TRRAP: variants seen among roughly 807,000 people sequenced by gnomAD.
TRRAP encodes the protein transformation/transcription domain-associated protein.
A neutral mutation model predicts 438.8 loss-of-function variants in TRRAP; 41 were observed. That is an observed-to-expected ratio of 0.09 (90% CI 0.07 to 0.12). The LOEUF (loss-of-function observed/expected upper bound fraction) is 0.12. Ranked by LOEUF, TRRAP falls within the 10% of genes least tolerant of loss-of-function variation. The probability of loss-of-function intolerance (pLI) is 1.00; values close to 1 mark genes in which losing one functional copy is unlikely to be tolerated. For synonymous variants in TRRAP, 1,994 were observed against 1,962.9 expected (o/e 1.02, Z -0.42); for missense variants, 3,122 against 5,055.1 (o/e 0.62, Z 11.60).
chr7:99,002,935 G>A (rs1252160749), intron 67 of TRRAP, among the ~76,000 whole-genome samples: 1 of 152,232 alleles, frequency 6.6e-6, no homozygotes, highest in African/African-American at 2.4e-5. Flanking sequence ...TTCGGGGCAG[G>A]TGTTAAATTA....
chr7:98,950,031 A>G, intron 37 of TRRAP, 33 bp from the exon 38 acceptor site: 3 of 1,612,808 alleles, frequency 1.9e-6, no homozygotes, highest in Non-Finnish European at 2.5e-6. Context: ...AATTTGCTCT[A>G]AGTTAACCTG....
At chr7:98,929,127 A>G (rs1268183429) in intron 23 of TRRAP, among the ~76,000 whole-genome samples, 1 of 151,992 alleles carries the variant, frequency 6.6e-6, no homozygotes. Flanking sequence ...TTTTTAGTAG[A>G]GACGGGGTTT....
rs111550949 is a variant in TRRAP, at chr7:98,916,920, G to A, written c.2366-503G>A. Among the ~76,000 whole-genome samples, 263 of 152,114 alleles carry A rather than the reference G, an allele frequency of 1.7e-3. 2 individuals are homozygous for A. Among genetic ancestry groups the A allele is most frequent in the African/African-American group, 6.1e-3 (253 of 41,488 alleles). ...GCCGTGCAGGACGTGCCTTTTCTTG[G>A]GTCCACTGCCACACGCCTTTCTCTT... On this transcript the variant is annotated intron_variant, in intron 19 of 72. Coordinates refer to ENST00000456197, the MANE Select transcript of TRRAP (RefSeq NM_001375524.1).
Position 98,994,462 on chromosome 7 carries a change from G to T in TRRAP, c.10048-125G>T, listed in dbSNP as rs1164432742. ...CGCCGATTTCATGCCTGCTGTGTGT[G>T]GGTCCTGCCGGGGAGTGCAGAGATG... On this transcript the variant is annotated intron_variant, in intron 66 of 72. Coordinates refer to ENST00000456197, the MANE Select transcript of TRRAP (RefSeq NM_001375524.1). The surrounding 1 kb of genome is among the most constrained non-coding windows in gnomAD (Gnocchi z 4.8). The T allele has an allele frequency of 4.4e-6, 6 of 1,361,540 alleles. No individual in the cohort carries two copies. Among genetic ancestry groups the T allele is most frequent in the Non-Finnish European group, 4.1e-6 (4 of 987,192 alleles). 84.3% of individuals were successfully genotyped at this position (1,361,540 alleles called of 1,614,324 possible). A position where few individuals can be genotyped will look rare whatever the true frequency, so the allele number is the denominator to read the frequency against.
At chr7:98,968,437 C>T (rs1217636881) in intron 51 of TRRAP, among the ~76,000 whole-genome samples, 1 of 152,154 alleles carries the variant, frequency 6.6e-6, no homozygotes, top group Admixed American at 6.5e-5. Flanking sequence ...TTAACATGCT[C>T]AGTGTTATGA....
Position 98,976,229 on chromosome 7 carries a change from C to G in TRRAP, c.7920C>G (p.Phe2640Leu). ...TLAEKTWVQL[F>L]PRLWKILSDR... ...CAGAGAAGACGTGGGTCCAGCTTTTCCCCAGATTGTGGAAGATCCTCTCTG... is the reference window on the plus strand; with the variant it reads ...CAGAGAAGACGTGGGTCCAGCTTTTGCCCAGATTGTGGAAGATCCTCTCTG... The change falls in exon 54 of 73, where the codon TTC becomes TTG. Residue 2640 changes from phenylalanine to leucine, a missense_variant. Around this residue, in one of 24 missense-constraint regions of TRRAP, gnomAD observed 992 missense variants for 1,281.2 expected, o/e 0.77. Coordinates refer to ENST00000456197, the MANE Select transcript of TRRAP (RefSeq NM_001375524.1). The surrounding 1 kb of genome is among the most constrained non-coding windows in gnomAD (Gnocchi z 4.6). 1 of 1,614,184 alleles carries G rather than the reference C, an allele frequency of 6.2e-7. No individual in the cohort carries two copies. The highest frequency in any genetic ancestry group is 1.1e-5 in the South Asian group (1 of 91,090).
rs1323274082 is a variant in TRRAP, at chr7:98,899,406, C to T, written c.634-16C>T. ...CCACAATGGTAACCCGGGTCCTACC[C>T]ATTTCTGTCTTCCAGCATTCCATCA... On this transcript the variant is annotated splice_polypyrimidine_tract_variant and intron_variant, in intron 8 of 72. Transcript: ENST00000456197. 1.9e-6 allele frequency: 3 copies of T among 1,613,682 alleles called. No homozygotes were observed. Among genetic ancestry groups the T allele is most frequent in the African/African-American group, 1.3e-5 (1 of 75,030 alleles).
intron 60 of TRRAP, among the ~76,000 whole-genome samples, chr7:98,983,855 T>C (rs1309904325): frequency 3.9e-5 from 6 of 152,158 alleles, no homozygotes; most frequent in Non-Finnish European, 8.8e-5. Context: ...TCCACGTGTT[T>C]AGAGCAGCCT....
At chr7:98,999,246 C>G in intron 67 of TRRAP, 1 of 1,179,758 alleles carries the variant, frequency 8.5e-7, no homozygotes, top group Non-Finnish European at 1.3e-6. Flanking sequence ...GCATTCACTG[C>G]CCAGCTTCTC....
At chr7:98,995,891 GTCCCA>G (rs1430090713) in intron 67 of TRRAP, among the ~76,000 whole-genome samples, 6 of 130,344 alleles carry the variant, frequency 4.6e-5, no homozygotes, top group African/African-American at 1.7e-4. Flanking sequence ...ACACACCCCT[GTCCCA>G]TCTACACACC....
intron 1 of TRRAP, among the ~76,000 whole-genome samples, chr7:98,880,259 G>GTTTTTT (rs1554402821): frequency 1.2e-4 from 4 of 33,504 alleles, no homozygotes; most frequent in East Asian, 7.8e-4. Flanking sequence ...TGTTGTTGTT[G>GTTTTTT]TTGTTTTTTT....
At chr7:98,920,357 T>C (rs2116460386) in intron 20 of TRRAP, among the ~76,000 whole-genome samples, 1 of 151,804 alleles carries the variant, frequency 6.6e-6, no homozygotes, top group East Asian at 1.9e-4. Context: ...TCTTAGCTGC[T>C]CAGGAGGCTG....
At chr7:98,996,217 G>A (rs1562977210) in intron 67 of TRRAP, among the ~76,000 whole-genome samples, 1 of 152,152 alleles carries the variant, frequency 6.6e-6, no homozygotes, top group African/African-American at 2.4e-5. Flanking sequence ...TCACATCTGC[G>A]CATCCACATC....
intron 19 of TRRAP, 143 bp from the exon 20 acceptor site, chr7:98,917,278 CAG>C (rs1299407729): frequency 1.8e-6 from 2 of 1,081,800 alleles, no homozygotes; most frequent in African/African-American, 1.6e-5. Flanking sequence ...ACAGATGTAA[CAG>C]GGTGGAGTCT....
intron 23 of TRRAP, among the ~76,000 whole-genome samples, chr7:98,929,483 A>C (rs542346018): frequency 6.6e-6 from 1 of 152,374 alleles, no homozygotes; most frequent in African/African-American, 2.4e-5. Flanking sequence ...GTATCATAGA[A>C]AACGTTCAGA....
chr7:98,882,842 A>G (rs1795517618), intron 3 of TRRAP, among the ~76,000 whole-genome samples: 1 of 151,978 alleles, frequency 6.6e-6, no homozygotes, highest in Admixed American at 6.6e-5. Context: ...CATTTTTAGT[A>G]GAGACCGGGT....
At position 98,946,340 on chromosome 7, in the gene TRRAP, GA is replaced by G. The variant is rs1409748101; in HGVS notation, c.4548+391del. On this transcript the variant is annotated intron_variant, in intron 33 of 72. Coordinates refer to ENST00000456197, the MANE Select transcript of TRRAP (RefSeq NM_001375524.1). ...GAATTACATGTTCTTTCACACTACT[GA>G]CTGCCCTGAATTTAAAACCTTACAG... 2.0e-5 allele frequency among the ~76,000 whole-genome samples: 3 copies of G among 152,196 alleles called. No individual in the cohort carries two copies. In the East Asian group the frequency reaches 5.8e-4, roughly 29 times the overall value.
At chr7:98,926,890 G>GC (rs1367141345) in intron 22 of TRRAP, among the ~76,000 whole-genome samples, 4 of 152,016 alleles carry the variant, frequency 2.6e-5, no homozygotes, top group African/African-American at 9.7e-5. Flanking sequence ...GTGGTGGTGG[G>GC]CACCTGTAAT....
intron 67 of TRRAP, among the ~76,000 whole-genome samples, chr7:99,002,132 G>A (rs1793953082): frequency 6.8e-6 from 1 of 147,332 alleles, no homozygotes. Context: ...CGGGGGGGTG[G>A]GGTGGTGGGG....
Sources: allele counts gnomAD v4.1 joint callset (sites outside exome capture counted in the v4.1 genomes callset), GRCh38; gene constraint gnomAD v4.1.1; regional missense constraint gnomAD v4.1.1; non-coding constraint Gnocchi (gnomAD v3.1); transcripts MANE v1.5; gene names NCBI Gene and HGNC (gene_info 2026-07-23, HGNC 2026-07-21).